The following SLC8A1 variants were observed in gnomAD, a reference collection of about 807,000 sequenced individuals.
The protein encoded by SLC8A1 is solute carrier family 8 member A1, also known as sodium/calcium exchanger 1.
Under a neutral mutation model 68.3 loss-of-function variants are expected in SLC8A1, and 18 were observed. The ratio of observed to expected loss-of-function variants is 0.26; its 90% CI spans 0.18 to 0.39. The LOEUF (loss-of-function observed/expected upper bound fraction) is 0.39. Among genes scored for constraint, SLC8A1 ranks in the 10% least tolerant of loss-of-function variants. The probability of loss-of-function intolerance (pLI) is 1.00; values close to 1 mark genes in which losing one functional copy is unlikely to be tolerated. For missense variants in SLC8A1, 985 were observed against 1,156.7 expected (o/e 0.85, Z 2.15); for synonymous variants, 475 against 415.5 (o/e 1.14, Z -1.74).
intron 2 of SLC8A1, among the ~76,000 whole-genome samples, chr2:40,407,354 C>CCA (rs1341135377): frequency 6.6e-6 from 1 of 152,196 alleles, no homozygotes; most frequent in Admixed American, 6.5e-5. Context: ...GCATAAGCCA[C>CCA]CACACCTGAC....
At chr2:40,242,599 G>A (rs565350886) in intron 2 of SLC8A1, among the ~76,000 whole-genome samples, 35 of 152,304 alleles carry the variant, frequency 2.3e-4, no homozygotes, top group African/African-American at 7.0e-4. Flanking sequence ...GTCTACAAAT[G>A]TCATAGAAAC....
chr2:40,276,149 T>C (rs548928970), intron 2 of SLC8A1, among the ~76,000 whole-genome samples: 1 of 152,312 alleles, frequency 6.6e-6, no homozygotes, highest in South Asian at 2.1e-4. Context: ...TGGGCAATCA[T>C]TTGGGAAAAC....
chr2:40,162,859 A>G (rs1341464465), intron 5 of SLC8A1, among the ~76,000 whole-genome samples: 3 of 152,158 alleles, frequency 2.0e-5, no homozygotes. Context: ...ATAAGAACTC[A>G]GTGGGTAAAG....
chr2:40,254,170 CAAAAAATTAATAT>C (rs1016952307), intron 2 of SLC8A1, among the ~76,000 whole-genome samples: 3 of 149,122 alleles, frequency 2.0e-5, no homozygotes, highest in African/African-American at 7.5e-5. Context: ...ATTATGTCAA[CAAAAAATTAATAT>C]AAAAAAAGAA....
chr2:40,508,044 T>C (rs1706479538), intron 1 of SLC8A1, among the ~76,000 whole-genome samples: 1 of 152,128 alleles, frequency 6.6e-6, no homozygotes, highest in East Asian at 1.9e-4. Context: ...AATTCAACAA[T>C]AGCTTGCAAT....
At chr2:40,415,546 C>T (rs1218672426) in intron 2 of SLC8A1, among the ~76,000 whole-genome samples, 2 of 152,070 alleles carry the variant, frequency 1.3e-5, no homozygotes, top group African/African-American at 2.4e-5. Flanking sequence ...CCCTATCTGT[C>T]TCCATTCCAG....
At chr2:40,488,782 T>C (rs1269972461) in intron 1 of SLC8A1, among the ~76,000 whole-genome samples, 1 of 152,104 alleles carries the variant, frequency 6.6e-6, no homozygotes, top group Non-Finnish European at 1.5e-5. Flanking sequence ...TGTCTGAGAT[T>C]TTTCAGGACT....
rs556688442 is a variant in SLC8A1, at chr2:40,392,223, A to G, written c.1808+36250T>C. 6.0e-5 allele frequency among the ~76,000 whole-genome samples: 9 copies of G among 151,044 alleles called. No individual in the cohort carries two copies. The South Asian group carries it at 1.9e-3, about 31-fold the overall frequency. On this transcript the variant is annotated intron_variant, in intron 2 of 7. Coordinates refer to ENST00000406785, the Ensembl canonical transcript of SLC8A1. ...AAGAAAAGAAAAAGAAAAAGAAAAG[A>G]GAAAGAAAAAGAAAGAGAAAGGAAG... is the stretch of plus-strand genomic sequence containing the variant.
At chr2:40,472,298 C>T (rs1704033048) in intron 1 of SLC8A1, among the ~76,000 whole-genome samples, 1 of 152,040 alleles carries the variant, frequency 6.6e-6, no homozygotes, top group East Asian at 1.9e-4. Flanking sequence ...GTAAAATTGC[C>T]CCTTTTATAA....
chr2:40,141,595 C>CGTTT (rs1558504522), intron 6 of SLC8A1, among the ~76,000 whole-genome samples: 2 of 152,098 alleles, frequency 1.3e-5, no homozygotes, highest in African/African-American at 4.8e-5. Flanking sequence ...CATTGCTGAC[C>CGTTT]GTTTGCTCTG....
chr2:40,387,936 CAAAAA>C lies in SLC8A1; in HGVS notation c.1808+40532_1808+40536del, dbSNP rs57394425. On this transcript the variant is annotated intron_variant, in intron 2 of 7. Transcript: ENST00000406785. ...TGGGCTACAGAAAGAGAGACTGCCT[CAAAAA>C]AAAAAAAAAAAAAAAAAAGAATTAG... is the stretch of plus-strand genomic sequence containing the variant. 5.3e-3 allele frequency among the ~76,000 whole-genome samples: 485 copies of C among 90,920 alleles called. 2 individuals carry two copies. Among genetic ancestry groups the C allele is most frequent in the Non-Finnish European group, 7.5e-3 (368 of 48,748 alleles). 59.6% of individuals were successfully genotyped at this position (90,920 alleles called of 152,430 possible).
At chr2:40,138,475 C>T (rs781139030) in intron 7 of SLC8A1, among the ~76,000 whole-genome samples, 8 of 152,116 alleles carry the variant, frequency 5.3e-5, no homozygotes, top group Admixed American at 1.3e-4. Context: ...TGGTTAAGAA[C>T]GTGGGTATTG....
At chr2:40,318,430 C>T (rs114553436) in intron 2 of SLC8A1, among the ~76,000 whole-genome samples, 2,682 of 151,976 alleles carry the variant, frequency 0.018, 74 homozygotes, top group African/African-American at 0.062. Flanking sequence ...CTTCAATGTA[C>T]TACATTAACT....
intron 2 of SLC8A1, among the ~76,000 whole-genome samples, chr2:40,218,320 A>C (rs2057799341): frequency 6.6e-6 from 1 of 152,168 alleles, no homozygotes; most frequent in Non-Finnish European, 1.5e-5. Context: ...CTGTATTGTG[A>C]AGAAGGGAGT....
intron 2 of SLC8A1, among the ~76,000 whole-genome samples, chr2:40,239,550 G>C (rs1225904348): frequency 6.6e-6 from 1 of 152,124 alleles, no homozygotes; most frequent in Non-Finnish European, 1.5e-5. Flanking sequence ...CTGCATTAGG[G>C]GTTGGGTTTC....
chr2:40,155,310 A>G (rs1573288167), intron 6 of SLC8A1, among the ~76,000 whole-genome samples: 1 of 151,708 alleles, frequency 6.6e-6, no homozygotes, highest in Non-Finnish European at 1.5e-5. Context: ...TTTGTATTTT[A>G]AGTAGAGAGG....
chr2:40,459,873 A>T (rs1040916093), intron 1 of SLC8A1, among the ~76,000 whole-genome samples: 6 of 151,988 alleles, frequency 3.9e-5, no homozygotes, highest in Non-Finnish European at 8.8e-5. Context: ...ACACACACAC[A>T]CTCTTCCACA....
intron 2 of SLC8A1, among the ~76,000 whole-genome samples, chr2:40,238,381 G>A (rs912233253): frequency 1.1e-4 from 17 of 152,168 alleles, no homozygotes; most frequent in Admixed American, 7.9e-4. Context: ...GGTGCTGTCC[G>A]TCACCCCTTT....
chr2:40,381,622 C>G (rs1385964587), intron 2 of SLC8A1, among the ~76,000 whole-genome samples: 1 of 151,912 alleles, frequency 6.6e-6, no homozygotes, highest in Non-Finnish European at 1.5e-5. Flanking sequence ...ATGAAATGGA[C>G]CCAGCTGTCC....
Sources: allele counts gnomAD v4.1 joint callset (sites outside exome capture counted in the v4.1 genomes callset), GRCh38; gene constraint gnomAD v4.1.1; transcripts MANE v1.5; gene names NCBI Gene and HGNC (gene_info 2026-07-23, HGNC 2026-07-21).